The following NXPE4 variants were observed in gnomAD, a reference collection of about 807,000 sequenced individuals.
NXPE4 encodes the protein neurexophilin and PC-esterase domain family member 4.
NXPE4 carries 42 observed loss-of-function variants against 33.3 expected under a neutral mutation model. The ratio of observed to expected loss-of-function variants is 1.26; its 90% CI spans 0.98 to 1.63. NXPE4 has a LOEUF of 1.63. Ranked by LOEUF, NXPE4 falls within the 40% of genes most tolerant of loss-of-function variation. The probability of loss-of-function intolerance (pLI) is 0.00; values close to 1 mark genes in which losing one functional copy is unlikely to be tolerated. For synonymous variants in NXPE4, 253 were observed against 234.9 expected, an observed-to-expected ratio of 1.08 and a Z score of -0.71; for missense variants, 709 against 647.6, an observed-to-expected ratio of 1.09 and a Z score of -1.03.
chr11:114,625,370 G>C, the NXPE4 span, among the ~76,000 whole-genome samples: 2 of 152,028 alleles, frequency 1.3e-5, no homozygotes, highest in African/African-American at 4.8e-5. Flanking sequence ...TTGCCTCTTG[G>C]GTAACCACTG....
At position 114,591,149 on chromosome 11, in the gene NXPE4, C is replaced by T. The variant is rs935373979; in HGVS notation, c.96+3515G>A. On this transcript the variant is annotated intron_variant, in intron 2 of 5. Coordinates refer to ENST00000375478, the MANE Select transcript of NXPE4 (RefSeq NM_001077639.2). ...CATAAGGCAGAATATCCAGTAGTCACTCTGAATGATGTTATTGAAAGTGCA... is the reference window on the plus strand; with the variant it reads ...CATAAGGCAGAATATCCAGTAGTCATTCTGAATGATGTTATTGAAAGTGCA... 3.3e-5 allele frequency among the ~76,000 whole-genome samples: 5 copies of T among 152,188 alleles called. No homozygotes were observed. In the South Asian group the frequency reaches 1.0e-3, roughly 31 times the overall value.
the NXPE4 span, among the ~76,000 whole-genome samples, chr11:114,629,120 T>C: frequency 6.6e-6 from 1 of 152,090 alleles, no homozygotes; most frequent in Non-Finnish European, 1.5e-5. Flanking sequence ...CCATTCCTTC[T>C]GAAACTATTC....
chr11:114,608,662 C>G, the NXPE4 span, among the ~76,000 whole-genome samples: 1 of 151,776 alleles, frequency 6.6e-6, no homozygotes, highest in East Asian at 2.0e-4. Context: ...CACTGTTACC[C>G]GGTGGATAAT....
At chr11:114,582,232 A>G (rs1164483078) in intron 3 of NXPE4, 56 bp downstream of exon 3, 2 of 1,514,060 alleles carry the variant, frequency 1.3e-6, no homozygotes, top group East Asian at 2.3e-5. Flanking sequence ...TTGGATCAGT[A>G]TATAGGCCAA....
chr11:114,656,893 C>T, the NXPE4 span, among the ~76,000 whole-genome samples: 1 of 152,082 alleles, frequency 6.6e-6, no homozygotes. Context: ...GGGATCGAGA[C>T]CATCCTGGCT....
the NXPE4 span, among the ~76,000 whole-genome samples, chr11:114,622,827 C>T: frequency 2.6e-5 from 4 of 151,998 alleles, no homozygotes; most frequent in Admixed American, 2.0e-4. Context: ...CCACTCTTAC[C>T]CAGTGGATAG....
At chr11:114,629,476 C>T in the NXPE4 span, among the ~76,000 whole-genome samples, 1 of 151,240 alleles carries the variant, frequency 6.6e-6, no homozygotes, top group Non-Finnish European at 1.5e-5. Flanking sequence ...AACAACCCTT[C>T]ATGCTAAAAA....
chr11:114,584,306 C>T lies in NXPE4; in HGVS notation c.97-1285G>A. 7.8e-6 allele frequency: 4 copies of T among 510,352 alleles called. 1 individual carries two copies. Among genetic ancestry groups the T allele is most frequent in the South Asian group, 6.1e-5 (4 of 65,960 alleles). 31.6% of individuals were successfully genotyped at this position (510,352 alleles called of 1,614,324 possible). The stretch of plus-strand genomic sequence containing the variant: ...CCCTACATCAGTCCTTCCAATATGA[C>T]TAACCAGAACACTAATGAGTACCTG... On this transcript the variant is annotated intron_variant, in intron 2 of 5. Transcript: ENST00000375478.
chr11:114,584,270 C>G (rs1949231174), intron 2 of NXPE4: 3 of 498,504 alleles, frequency 6.0e-6, no homozygotes, highest in African/African-American at 2.0e-5. Flanking sequence ...TACTTTGGAC[C>G]ATATTTCAAG....
chr11:114,594,614 A>G, intron 2 of NXPE4, 50 bp downstream of exon 2: 2 of 1,175,308 alleles, frequency 1.7e-6, no homozygotes, highest in Non-Finnish European at 2.5e-6. Context: ...CAGATGAGGT[A>G]ATAAGCAAAA....
At chr11:114,589,569 A>C (rs559858032) in intron 2 of NXPE4, among the ~76,000 whole-genome samples, 1 of 152,258 alleles carries the variant, frequency 6.6e-6, no homozygotes, top group East Asian at 1.9e-4. Context: ...TCTAGCTTGC[A>C]TGTGGGCCAG....
chr11:114,585,749 G>C (rs1476760067), intron 2 of NXPE4, among the ~76,000 whole-genome samples: 1 of 152,094 alleles, frequency 6.6e-6, no homozygotes, highest in Non-Finnish European at 1.5e-5. Flanking sequence ...ACAAAAAGGA[G>C]CCCCCAAATC....
chr11:114,595,461 A>G (rs2135305885), intron 1 of NXPE4, 131 bp downstream of exon 1: 1 of 152,090 alleles, frequency 6.6e-6, no homozygotes, highest in South Asian at 2.1e-4. Context: ...CATCCCTCAA[A>G]ATTTACCCTC....
chr11:114,666,392 T>C, the NXPE4 span, among the ~76,000 whole-genome samples: 1 of 152,148 alleles, frequency 6.6e-6, no homozygotes, highest in Non-Finnish European at 1.5e-5. Flanking sequence ...AGATTTTTTT[T>C]CCCCTAAAGG....
chr11:114,619,946 T>G, the NXPE4 span, among the ~76,000 whole-genome samples: 1 of 151,472 alleles, frequency 6.6e-6, no homozygotes, highest in Non-Finnish European at 1.5e-5. Flanking sequence ...ACCCGGTGGA[T>G]AATAAGTGTT....
At chr11:114,575,264 C>A (rs1374086316) in intron 5 of NXPE4, among the ~76,000 whole-genome samples, 1 of 152,068 alleles carries the variant, frequency 6.6e-6, no homozygotes, top group Non-Finnish European at 1.5e-5. Context: ...TGAAAGCATT[C>A]CCTCTGAGAA....
At chr11:114,672,530 A>T in the NXPE4 span, among the ~76,000 whole-genome samples, 22 of 151,982 alleles carry the variant, frequency 1.4e-4, no homozygotes, top group African/African-American at 5.1e-4. Context: ...AGAAATTGCC[A>T]GACTGGTTAA....
At chr11:114,621,528 C>G in the NXPE4 span, among the ~76,000 whole-genome samples, 1 of 152,152 alleles carries the variant, frequency 6.6e-6, no homozygotes, top group Non-Finnish European at 1.5e-5. Flanking sequence ...TGTGTAACCA[C>G]TGTTAAACAG....
chr11:114,644,308 A>G, the NXPE4 span, among the ~76,000 whole-genome samples: 1 of 152,158 alleles, frequency 6.6e-6, no homozygotes, highest in Non-Finnish European at 1.5e-5. Flanking sequence ...AGGAGTGGTA[A>G]GAGAGGACAT....
Sources: allele counts gnomAD v4.1 joint callset (sites outside exome capture counted in the v4.1 genomes callset), GRCh38; gene constraint gnomAD v4.1.1; transcripts MANE v1.5; gene names NCBI Gene and HGNC (gene_info 2026-07-23, HGNC 2026-07-21).